The following MAML2 variants were observed in gnomAD, a reference collection of about 807,000 sequenced individuals.
The protein encoded by MAML2 is mastermind like transcriptional coactivator 2, also known as mastermind-like protein 2.
MAML2 carries 22 observed loss-of-function variants against 96.1 expected under a neutral mutation model. The ratio of observed to expected loss-of-function variants is 0.23; its 90% CI spans 0.16 to 0.33. The LOEUF (loss-of-function observed/expected upper bound fraction) is 0.33, where lower values mean the gene tolerates loss of function less well. Among genes scored for constraint, MAML2 ranks in the 10% least tolerant of loss-of-function variants. The pLI, the probability that MAML2 is intolerant of heterozygous loss-of-function variation, is 1.00. For synonymous variants in MAML2, 561 were observed against 521.3 expected (o/e 1.08, Z -1.04); for missense variants, 1,367 against 1,392.4 (o/e 0.98, Z 0.29).
intron 1 of MAML2, among the ~76,000 whole-genome samples, chr11:96,154,450 C>T (rs938705157): frequency 2.0e-5 from 3 of 152,224 alleles, no homozygotes; most frequent in African/African-American, 7.2e-5. Flanking sequence ...GAATCAGTTG[C>T]CAGTTGCCTC....
intron 1 of MAML2, among the ~76,000 whole-genome samples, chr11:96,107,433 T>G (rs1004614744): frequency 1.3e-5 from 2 of 152,230 alleles, no homozygotes; most frequent in Admixed American, 1.3e-4. Context: ...TAACTCAAAA[T>G]GTGACCAATA....
chr11:96,189,478 T>C (rs1472777090), intron 1 of MAML2, among the ~76,000 whole-genome samples: 1 of 152,228 alleles, frequency 6.6e-6, no homozygotes, highest in African/African-American at 2.4e-5. Context: ...TATTGCGGGA[T>C]AGACTAGAAA....
At chr11:96,234,482 A>C (rs1237396450) in intron 1 of MAML2, among the ~76,000 whole-genome samples, 1 of 152,198 alleles carries the variant, frequency 6.6e-6, no homozygotes, top group African/African-American at 2.4e-5. Context: ...ACTCCATCTC[A>C]AAAAATAAAT....
At chr11:96,116,985 T>C (rs1237580099) in intron 1 of MAML2, among the ~76,000 whole-genome samples, 3 of 152,216 alleles carry the variant, frequency 2.0e-5, no homozygotes, top group African/African-American at 7.2e-5. Context: ...ATGAATTGAA[T>C]TGACAGCCAT....
chr11:96,276,936 C>T (rs1862997546), intron 1 of MAML2, among the ~76,000 whole-genome samples: 1 of 152,030 alleles, frequency 6.6e-6, no homozygotes, highest in African/African-American at 2.4e-5. Context: ...TGCACTCATC[C>T]CACTGATATT....
At chr11:95,990,086 C>T (rs188762825) in intron 3 of MAML2, among the ~76,000 whole-genome samples, 1 of 152,298 alleles carries the variant, frequency 6.6e-6, no homozygotes, top group East Asian at 1.9e-4. Flanking sequence ...CTTTGGGAGA[C>T]TATCCTCAAT....
At chr11:96,275,768 A>G (rs1375009691) in intron 1 of MAML2, among the ~76,000 whole-genome samples, 2 of 152,190 alleles carry the variant, frequency 1.3e-5, no homozygotes. Context: ...TCCTTATCCT[A>G]CAAATCAATA....
intron 1 of MAML2, among the ~76,000 whole-genome samples, chr11:96,177,038 C>T (rs1861398035): frequency 6.6e-6 from 1 of 152,132 alleles, no homozygotes; most frequent in South Asian, 2.1e-4. Context: ...GGTCCTTTTT[C>T]AGGTCACCAT....
chr11:96,226,752 CATTT>C (rs1389361808), intron 1 of MAML2, among the ~76,000 whole-genome samples: 5 of 152,108 alleles, frequency 3.3e-5, no homozygotes, highest in African/African-American at 9.7e-5. Context: ...TCTGAATTGA[CATTT>C]ATTATTATTC....
chr11:96,296,677 TAAG>T, intron 1 of MAML2, among the ~76,000 whole-genome samples: 1 of 152,030 alleles, frequency 6.6e-6, no homozygotes, highest in African/African-American at 2.4e-5. Context: ...AATAAATAAA[TAAG>T]AAGCAGAGAG....
intron 2 of MAML2, among the ~76,000 whole-genome samples, chr11:95,996,628 T>G (rs1857993841): frequency 6.6e-6 from 1 of 152,162 alleles, no homozygotes; most frequent in Non-Finnish European, 1.5e-5. Context: ...ACTATATACA[T>G]TCTTTGAATT....
intron 1 of MAML2, among the ~76,000 whole-genome samples, chr11:96,299,428 G>A (rs989784882): frequency 8.6e-5 from 13 of 151,832 alleles, no homozygotes; most frequent in East Asian, 3.9e-4. Context: ...AGAGGCTGCC[G>A]GTGCCCTCCC....
Position 96,093,341 on chromosome 11 carries a change from T to C in MAML2, c.690A>G (p.Ser230=). Residue 230 remains serine (S), a synonymous_variant, in exon 2 of 5, where the codon TCA becomes TCG. Coordinates refer to ENST00000524717, the MANE Select transcript of MAML2 (RefSeq NM_032427.4). The part of the protein sequence containing the change: ...QINNGQSQIM[S]GTLPMSQAPL... ...GTGCTTGGCTCATAGGCAAGGTCCC[T>C]GACATAATCTGACTTTGTCCATTGT... 6.2e-7 allele frequency: 1 copy of C among 1,614,036 alleles called. No homozygotes were observed. The highest frequency in any genetic ancestry group is 8.5e-7 in the Non-Finnish European group (1 of 1,179,900).
At chr11:96,034,943 T>G (rs1296972097) in intron 2 of MAML2, among the ~76,000 whole-genome samples, 1 of 152,074 alleles carries the variant, frequency 6.6e-6, no homozygotes, top group Non-Finnish European at 1.5e-5. Context: ...CATATGGGAG[T>G]GTCCAAGAGG....
At chr11:96,032,918 T>C (rs1186328708) in intron 2 of MAML2, among the ~76,000 whole-genome samples, 2 of 152,140 alleles carry the variant, frequency 1.3e-5, no homozygotes, top group Admixed American at 1.3e-4. Flanking sequence ...CAGAAATTTA[T>C]AAAGGTGATG....
chr11:96,259,892 G>T (rs1309651946), intron 1 of MAML2, among the ~76,000 whole-genome samples: 2 of 150,878 alleles, frequency 1.3e-5, no homozygotes, highest in Non-Finnish European at 1.5e-5. Flanking sequence ...CAGTATAAAG[G>T]TTACCTTAAA....
chr11:96,107,151 T>C (rs1255894436), intron 1 of MAML2, among the ~76,000 whole-genome samples: 4 of 152,070 alleles, frequency 2.6e-5, no homozygotes, highest in Admixed American at 6.6e-5. Flanking sequence ...GTAACTGTTA[T>C]TATGTCTTTT....
intron 2 of MAML2, among the ~76,000 whole-genome samples, chr11:96,008,502 T>G (rs1858221096): frequency 6.6e-6 from 1 of 152,218 alleles, no homozygotes; most frequent in Non-Finnish European, 1.5e-5. Flanking sequence ...CAAATAACAG[T>G]TCACTGAGTA....
chr11:96,028,903 AT>A (rs200257731), intron 2 of MAML2, among the ~76,000 whole-genome samples: 1 of 151,870 alleles, frequency 6.6e-6, no homozygotes, highest in Admixed American at 6.6e-5. Context: ...CACACAGACC[AT>A]TTTTTTTAAA....
Sources: allele counts gnomAD v4.1 joint callset (sites outside exome capture counted in the v4.1 genomes callset), GRCh38; gene constraint gnomAD v4.1.1; transcripts MANE v1.5; gene names NCBI Gene and HGNC (gene_info 2026-07-23, HGNC 2026-07-21).